Variants in TTC7B observed in about 807,000 individuals in gnomAD.
The protein encoded by TTC7B is tetratricopeptide repeat protein 7B.
In TTC7B, 28 loss-of-function variants were observed where a neutral mutation model predicts 106.8. The observed-to-expected ratio is 0.26, with a 90% CI of 0.19 to 0.36. The LOEUF (loss-of-function observed/expected upper bound fraction) is 0.36, where lower values mean the gene tolerates loss of function less well. TTC7B is among the 10% of genes least tolerant of loss of function. The probability of loss-of-function intolerance (pLI) is 1.00; values close to 1 mark genes in which losing one functional copy is unlikely to be tolerated. For synonymous variants in TTC7B, 405 were observed against 430.6 expected (o/e 0.94, Z 0.74); for missense variants, 862 against 1,076.4 (o/e 0.80, Z 2.79).
intron 7 of TTC7B, among the ~76,000 whole-genome samples, chr14:90,684,446 A>C (rs1194160720): frequency 6.6e-6 from 1 of 152,166 alleles, no homozygotes; most frequent in Admixed American, 6.5e-5. Flanking sequence ...TCACAGAAGC[A>C]CTGTTCCTAT....
chr14:90,758,305 A>T (rs916993798), intron 3 of TTC7B, among the ~76,000 whole-genome samples: 2 of 127,056 alleles, frequency 1.6e-5, no homozygotes, highest in South Asian at 2.7e-4. Flanking sequence ...CGCGAGATGC[A>T]GGGCACTGGC....
intron 9 of TTC7B, among the ~76,000 whole-genome samples, chr14:90,664,913 G>A (rs1173710669): frequency 3.3e-5 from 5 of 152,218 alleles, no homozygotes; most frequent in African/African-American, 7.2e-5. Flanking sequence ...GATCTTCAGG[G>A]TTCTGAAGGG....
chr14:90,578,623 G>T lies in TTC7B; in HGVS notation c.2108-315C>A, dbSNP rs1326403057. On this transcript the variant is annotated intron_variant, in intron 18 of 19. Transcript: ENST00000328459. This position sits in a 1 kb window ranked among gnomAD's most constrained non-coding sequence, Gnocchi z 4.7. ...CTCAGGGCCCACCCGGGGCTCCTCAGTGTCTGGACAGAGGCTGGCCCGGTC... is the reference window on the plus strand; with the variant it reads ...CTCAGGGCCCACCCGGGGCTCCTCATTGTCTGGACAGAGGCTGGCCCGGTC... Among the ~76,000 whole-genome samples, 5 of 152,040 alleles carry T rather than the reference G, an allele frequency of 3.3e-5. No homozygotes were observed. In the South Asian group the frequency reaches 1.0e-3, roughly 31 times the overall value.
rs1198423451 is a variant in TTC7B, at chr14:90,683,984, T to G, written c.951-3449A>C. On this transcript the variant is annotated intron_variant, in intron 7 of 19. Coordinates refer to ENST00000328459, the MANE Select transcript of TTC7B (RefSeq NM_001010854.2). ...TCCACGGAAGGGCCTGGCCAGTGCC[T>G]GGCTCGGGATGTTCTGCCCTCCCCG... Among the ~76,000 whole-genome samples, 4 of 152,338 alleles carry G rather than the reference T, an allele frequency of 2.6e-5. No individual in the cohort carries two copies. The East Asian group carries it at 7.7e-4, about 29-fold the overall frequency.
intron 6 of TTC7B, among the ~76,000 whole-genome samples, chr14:90,695,075 A>G (rs370028570): frequency 1.8e-4 from 8 of 45,376 alleles, no homozygotes; most frequent in South Asian, 7.5e-4. Context: ...TATAAAATAT[A>G]TTTTATTTTA....
intron 5 of TTC7B, among the ~76,000 whole-genome samples, chr14:90,702,318 TGTTGTAAGAATTAAACTA>T (rs1888025662): frequency 6.6e-6 from 1 of 152,210 alleles, no homozygotes; most frequent in Non-Finnish European, 1.5e-5. Flanking sequence ...CCCACCTCAC[TGTTGTAAGAATTAAACTA>T]GTCAGTAACA....
intron 4 of TTC7B, 119 bp from the exon 5 acceptor site, chr14:90,730,315 T>G (rs1889277263): frequency 8.3e-7 from 1 of 1,206,156 alleles, no homozygotes; most frequent in African/African-American, 1.5e-5. Flanking sequence ...CAAATATCAG[T>G]GCAGAGGCAC....
intron 5 of TTC7B, among the ~76,000 whole-genome samples, chr14:90,700,008 T>A (rs1432529852): frequency 6.6e-6 from 1 of 152,252 alleles, no homozygotes; most frequent in Non-Finnish European, 1.5e-5. Context: ...AGAACCATCA[T>A]GAGCCGAATG....
intron 13 of TTC7B, chr14:90,648,643 C>G (rs141341925): frequency 6.6e-6 from 1 of 152,206 alleles, no homozygotes; most frequent in Non-Finnish European, 1.5e-5. Flanking sequence ...TAAGCCACCA[C>G]GCCCAGCTAC....
chr14:90,567,138 C>T (rs77064921), intron 19 of TTC7B, among the ~76,000 whole-genome samples: 2,323 of 152,324 alleles, frequency 0.015, 64 homozygotes, highest in African/African-American at 0.053. Flanking sequence ...GTCAGCACCC[C>T]GCAAGAGCCT....
chr14:90,760,235 C>T (rs1305069274), intron 3 of TTC7B, among the ~76,000 whole-genome samples: 4 of 151,982 alleles, frequency 2.6e-5, no homozygotes, highest in African/African-American at 9.7e-5. Context: ...GGGGGGTTGG[C>T]CTGGCAGGGG....
intron 13 of TTC7B, among the ~76,000 whole-genome samples, chr14:90,651,020 T>G (rs1314096142): frequency 6.6e-6 from 1 of 152,228 alleles, no homozygotes; most frequent in Non-Finnish European, 1.5e-5. Flanking sequence ...CTGAATTGTG[T>G]TTTCTTTTTA....
intron 1 of TTC7B, among the ~76,000 whole-genome samples, chr14:90,787,370 G>T (rs1239005044): frequency 2.0e-5 from 3 of 152,172 alleles, no homozygotes; most frequent in Admixed American, 6.5e-5. Flanking sequence ...CCTAAGCATG[G>T]TCTATTTTTC....
intron 19 of TTC7B, among the ~76,000 whole-genome samples, chr14:90,546,582 AC>A (rs776758690): frequency 2.8e-4 from 43 of 151,992 alleles, no homozygotes; most frequent in Non-Finnish European, 4.6e-4. Flanking sequence ...GCCATAATGC[AC>A]CCCATCCCTG....
intron 19 of TTC7B, among the ~76,000 whole-genome samples, chr14:90,563,242 G>A (rs900886247): frequency 7.2e-5 from 11 of 152,034 alleles, no homozygotes; most frequent in East Asian, 1.9e-4. Flanking sequence ...GGTAAAGCTC[G>A]AAGGACACAG....
At chr14:90,557,261 G>A (rs985718879) in intron 19 of TTC7B, among the ~76,000 whole-genome samples, 19 of 152,152 alleles carry the variant, frequency 1.2e-4, no homozygotes, top group African/African-American at 3.6e-4. Flanking sequence ...TTATCTCAGC[G>A]AGAGGGCTGA....
chr14:90,673,773 T>C (rs1362729062), intron 9 of TTC7B, among the ~76,000 whole-genome samples: 1 of 152,172 alleles, frequency 6.6e-6, no homozygotes, highest in Non-Finnish European at 1.5e-5. Context: ...AAAGAAATAT[T>C]GATCCATGTT....
intron 6 of TTC7B, among the ~76,000 whole-genome samples, chr14:90,695,196 A>AAAATAT (rs1566840885): frequency 2.6e-3 from 19 of 7,280 alleles, no homozygotes; most frequent in Non-Finnish European, 5.8e-3. Context: ...TATACATTTT[A>AAAATAT]GTATAAAACA....
In TTC7B at chr14:90,529,027, T is replaced by C. The variant is rs8013851; in HGVS notation, c.*12341A>G. On this transcript the variant is annotated 3_prime_UTR_variant, in exon 20 of 20. Coordinates refer to ENST00000328459, the MANE Select transcript of TTC7B (RefSeq NM_001010854.2). ...CTGACTGAGCTTTGTTACCTGTTTC[T>C]GATGGTGTGACCTGACTGCTTTGTT... 0.047 allele frequency: 7,286 copies of C among 154,816 alleles called. 566 individuals carry two copies. Among genetic ancestry groups the C allele is most frequent in the African/African-American group, 0.17 (6,915 of 41,064 alleles). The allele number at this position is 154,816 out of a possible 1,614,324, so 9.6% of individuals were successfully genotyped here.
Sources: allele counts gnomAD v4.1 joint callset (sites outside exome capture counted in the v4.1 genomes callset), GRCh38; gene constraint gnomAD v4.1.1; non-coding constraint Gnocchi (gnomAD v3.1); transcripts MANE v1.5; gene names NCBI Gene and HGNC (gene_info 2026-07-23, HGNC 2026-07-21).